NAALADL2: variants seen among roughly 807,000 people sequenced by gnomAD.
NAALADL2 encodes the protein inactive N-acetylated-alpha-linked acidic dipeptidase-like protein 2.
A neutral mutation model predicts 87.2 loss-of-function variants in NAALADL2; 76 were observed. The ratio of observed to expected loss-of-function variants is 0.87; its 90% confidence interval spans 0.72 to 1.05. NAALADL2 has a LOEUF of 1.05. NAALADL2 is among the 50% of genes least tolerant of loss of function. NAALADL2 has a pLI of 0.00. For missense variants in NAALADL2, 1,089 were observed against 945.8 expected, an observed-to-expected ratio of 1.15 and a Z score of -1.99; for synonymous variants, 354 against 331.0, an observed-to-expected ratio of 1.07 and a Z score of -0.75.
At chr3:175,293,534 C>T (rs897880154) in intron 4 of NAALADL2, among the ~76,000 whole-genome samples, 7 of 152,082 alleles carry the variant, frequency 4.6e-5, no homozygotes, top group Non-Finnish European at 8.8e-5. Flanking sequence ...TGTGTCTGCC[C>T]CCCTCCAAAT....
intron 5 of NAALADL2, among the ~76,000 whole-genome samples, chr3:175,349,225 A>T (rs1222702044): frequency 6.6e-6 from 1 of 150,972 alleles, no homozygotes; most frequent in Non-Finnish European, 1.5e-5. Context: ...AAAAAAAAAG[A>T]TGTCCAGTGT....
intron 2 of NAALADL2, among the ~76,000 whole-genome samples, chr3:174,687,320 A>G (rs1728141324): frequency 6.6e-6 from 1 of 152,112 alleles, no homozygotes; most frequent in Non-Finnish European, 1.5e-5. Context: ...CTTGCATTCA[A>G]AAGTGACTCA....
chr3:175,676,158 C>A (rs960481015), intron 11 of NAALADL2: 1 of 152,122 alleles, frequency 6.6e-6, no homozygotes, highest in Non-Finnish European at 1.5e-5. Context: ...CAAGGTGTTG[C>A]AATACATATT....
At chr3:174,523,980 T>C (rs1157636716) in intron 1 of NAALADL2, among the ~76,000 whole-genome samples, 2 of 152,316 alleles carry the variant, frequency 1.3e-5, no homozygotes, top group Admixed American at 1.3e-4. Flanking sequence ...AAAACAATTT[T>C]ATGAATATAC....
intron 4 of NAALADL2, among the ~76,000 whole-genome samples, chr3:175,302,539 A>G (rs1279783283): frequency 1.3e-5 from 2 of 152,204 alleles, no homozygotes; most frequent in Admixed American, 6.5e-5. Context: ...CTCCACATAT[A>G]GGCTAAATTG....
At chr3:175,773,207 A>AT (rs1749741350) in intron 13 of NAALADL2, 1 of 152,150 alleles carries the variant, frequency 6.6e-6, no homozygotes, top group Non-Finnish European at 1.5e-5. Flanking sequence ...TCTCTTGTTG[A>AT]TTGAAGGTCA....
rs1295536183 is a variant in NAALADL2, at chr3:175,324,174, G to A, written c.940-1G>A. 8 of 1,612,258 alleles carry A rather than the reference G, an allele frequency of 5.0e-6. No individual in the cohort carries two copies. The South Asian group carries it at 6.6e-5, about 13-fold the overall frequency. The stretch of plus-strand genomic sequence containing the variant: ...TTTAATAGCTTGCTTCCCTCTTTTA[G>A]CTTTCCTCATTGGAAAAGGCTGGAT... On this transcript the variant is annotated splice_acceptor_variant, in intron 4 of 13. Transcript: ENST00000454872. LOFTEE classifies it high-confidence loss of function.
chr3:175,554,020 A>T (rs1425746040), intron 9 of NAALADL2, among the ~76,000 whole-genome samples: 2 of 152,106 alleles, frequency 1.3e-5, no homozygotes, highest in Non-Finnish European at 2.9e-5. Context: ...ACATGATAGG[A>T]AGTGGCTGAC....
At chr3:175,271,998 T>C (rs999813993) in intron 4 of NAALADL2, among the ~76,000 whole-genome samples, 2 of 152,154 alleles carry the variant, frequency 1.3e-5, no homozygotes, top group Non-Finnish European at 2.9e-5. Flanking sequence ...TAATTAGGTA[T>C]ATTTAGTATA....
chr3:174,538,625 T>C (rs893362571), intron 1 of NAALADL2, among the ~76,000 whole-genome samples: 1 of 152,110 alleles, frequency 6.6e-6, no homozygotes, highest in African/African-American at 2.4e-5. Context: ...GATTCTGGCA[T>C]TTTTTTAAGT....
chr3:174,872,422 A>G (rs1727946180), intron 1 of NAALADL2, among the ~76,000 whole-genome samples: 1 of 152,156 alleles, frequency 6.6e-6, no homozygotes, highest in African/African-American at 2.4e-5. Flanking sequence ...GACTCATATA[A>G]TGATGGTTTA....
chr3:175,220,619 C>A (rs149738466), intron 2 of NAALADL2, among the ~76,000 whole-genome samples: 3 of 151,954 alleles, frequency 2.0e-5, no homozygotes, highest in African/African-American at 4.8e-5. Flanking sequence ...ATAGTATTAT[C>A]AGAGCTGATC....
chr3:174,587,445 T>C (rs1455271295), intron 2 of NAALADL2, among the ~76,000 whole-genome samples: 2 of 152,196 alleles, frequency 1.3e-5, no homozygotes, highest in Non-Finnish European at 1.5e-5. Flanking sequence ...TTTTGCTCAT[T>C]AGTTGATGCA....
chr3:175,614,451 C>T (rs1206924436), intron 10 of NAALADL2, among the ~76,000 whole-genome samples: 1 of 152,166 alleles, frequency 6.6e-6, no homozygotes, highest in Non-Finnish European at 1.5e-5. Flanking sequence ...AATTATAATA[C>T]ATATTTTATG....
At position 175,148,125 on chromosome 3, in the gene NAALADL2, AAAT is replaced by A. The variant is rs150090554; in HGVS notation, c.545+50845_545+50847del. Among the ~76,000 whole-genome samples, 765 of 138,010 alleles carry A rather than the reference AAAT, an allele frequency of 5.5e-3. 7 individuals carry two copies. The highest frequency in any genetic ancestry group is 0.016 in the African/African-American group (625 of 38,282). 90.5% of individuals were successfully genotyped at this position (138,010 alleles called of 152,430 possible). A position where few individuals can be genotyped will look rare whatever the true frequency, so the allele number is the denominator to read the frequency against. Reference sequence around the variant, plus strand: ...AATAATAATAATAATAATAATAATAAAATAATAATAATAGCCATTCTGACTGGT... The same window carrying A: ...AATAATAATAATAATAATAATAATAAAATAATAATAGCCATTCTGACTGGT... On this transcript the variant is annotated intron_variant, in intron 2 of 13. Transcript: ENST00000454872.
At chr3:175,215,752 G>A (rs1560176633) in intron 2 of NAALADL2, among the ~76,000 whole-genome samples, 1 of 152,112 alleles carries the variant, frequency 6.6e-6, no homozygotes, top group South Asian at 2.1e-4. Flanking sequence ...AGGCCAGTCG[G>A]CACTCATTCC....
chr3:174,671,458 T>C (rs1726527439), intron 2 of NAALADL2, among the ~76,000 whole-genome samples: 1 of 152,074 alleles, frequency 6.6e-6, no homozygotes, highest in Non-Finnish European at 1.5e-5. Context: ...ACACAACCCC[T>C]GCAGGCTTGG....
chr3:175,299,326 A>T (rs1301978166), intron 4 of NAALADL2, among the ~76,000 whole-genome samples: 3 of 152,120 alleles, frequency 2.0e-5, no homozygotes, highest in South Asian at 2.1e-4. Context: ...AATTCTGTGA[A>T]GAAAGTCAGT....
intron 9 of NAALADL2, among the ~76,000 whole-genome samples, chr3:175,504,984 G>T (rs1339197138): frequency 6.6e-6 from 1 of 152,154 alleles, no homozygotes; most frequent in Non-Finnish European, 1.5e-5. Flanking sequence ...GCTAAGGAAA[G>T]TAAAGAGATA....
Sources: allele counts gnomAD v4.1 joint callset (sites outside exome capture counted in the v4.1 genomes callset), GRCh38; gene constraint gnomAD v4.1.1; transcripts MANE v1.5; gene names NCBI Gene and HGNC (gene_info 2026-07-23, HGNC 2026-07-21).